ZFHX3: variants seen among roughly 807,000 people sequenced by gnomAD.
ZFHX3 encodes the protein zinc finger homeobox protein 3.
A neutral mutation model predicts 279.1 loss-of-function variants in ZFHX3; 42 were observed. The observed-to-expected ratio is 0.15, with a 90% CI of 0.12 to 0.19. ZFHX3 has a LOEUF of 0.19. Among genes scored for constraint, ZFHX3 ranks in the 10% least tolerant of loss-of-function variants. The pLI, the probability that ZFHX3 is intolerant of heterozygous loss-of-function variation, is 1.00. For missense variants in ZFHX3, 4,981 were observed against 4,754.0 expected, an observed-to-expected ratio of 1.05 and a Z score of -1.40; for synonymous variants, 2,293 against 1,957.8, an observed-to-expected ratio of 1.17 and a Z score of -4.52.
chr16:73,676,768 C>T (rs1051763524), intron 2 of ZFHX3, among the ~76,000 whole-genome samples: 3 of 151,136 alleles, frequency 2.0e-5, no homozygotes, highest in Non-Finnish European at 3.0e-5. Context: ...AGTAAAAAGA[C>T]GAGTGAACAT....
intron 2 of ZFHX3, among the ~76,000 whole-genome samples, chr16:73,498,174 C>A (rs949994630): frequency 2.6e-5 from 4 of 152,092 alleles, no homozygotes; most frequent in Admixed American, 2.6e-4. Flanking sequence ...AATGGTGACT[C>A]CCCCCATCAA....
upstream of ZFHX3, among the ~76,000 whole-genome samples, chr16:73,052,388 T>G (rs1400593049): frequency 6.6e-6 from 1 of 152,046 alleles, no homozygotes; most frequent in East Asian, 1.9e-4. Flanking sequence ...TCTCCCCTAT[T>G]AAGCTTCTAA....
At chr16:73,290,615 G>A (rs2014745354) in intron 4 of ZFHX3, among the ~76,000 whole-genome samples, 1 of 152,246 alleles carries the variant, frequency 6.6e-6, no homozygotes, top group Admixed American at 6.5e-5. Flanking sequence ...TGTGGGCTCA[G>A]AGTGTGGGAC....
intron 1 of ZFHX3, among the ~76,000 whole-genome samples, chr16:73,001,633 C>G (rs1317802063): frequency 6.6e-6 from 1 of 151,908 alleles, no homozygotes; most frequent in South Asian, 2.1e-4. Context: ...GGCAAGATAG[C>G]AAGACTCTGT....
chr16:73,564,063 G>C (rs1045933079), intron 2 of ZFHX3, among the ~76,000 whole-genome samples: 3 of 152,200 alleles, frequency 2.0e-5, no homozygotes, highest in Admixed American at 6.5e-5. Flanking sequence ...CATAGGCCAA[G>C]CCTAACTATG....
chr16:73,658,165 C>G (rs765525561), intron 2 of ZFHX3, among the ~76,000 whole-genome samples: 9 of 152,064 alleles, frequency 5.9e-5, no homozygotes, highest in Non-Finnish European at 1.3e-4. Flanking sequence ...CTTGTGACCA[C>G]TATAATCAAA....
intron 1 of ZFHX3, among the ~76,000 whole-genome samples, chr16:73,766,063 T>A (rs1307184511): frequency 2.6e-5 from 4 of 152,170 alleles, no homozygotes; most frequent in African/African-American, 9.7e-5. Flanking sequence ...TTCACACAGA[T>A]GCATCATATG....
chr16:73,124,577 G>A (rs910540681), intron 7 of ZFHX3, among the ~76,000 whole-genome samples: 2 of 152,146 alleles, frequency 1.3e-5, no homozygotes, highest in East Asian at 1.9e-4. Flanking sequence ...TGATAGCAAC[G>A]GTAACAGTGA....
At chr16:73,764,328 A>G (rs149587908) in intron 1 of ZFHX3, among the ~76,000 whole-genome samples, 1 of 152,122 alleles carries the variant, frequency 6.6e-6, no homozygotes, top group South Asian at 2.1e-4. Context: ...CTGGCTCCCT[A>G]TGAGAAATCT....
intron 3 of ZFHX3, among the ~76,000 whole-genome samples, chr16:73,425,932 C>T (rs1385169772): frequency 9.4e-6 from 1 of 106,562 alleles, no homozygotes; most frequent in Non-Finnish European, 2.5e-5. Flanking sequence ...AAGCCTACTT[C>T]CTTACCATTA....
chr16:73,415,896 G>C (rs1338653225), intron 3 of ZFHX3, among the ~76,000 whole-genome samples: 1 of 152,108 alleles, frequency 6.6e-6, no homozygotes, highest in Admixed American at 6.6e-5. Flanking sequence ...AAGGTTGGTG[G>C]ATCACCTGAG....
intron 4 of ZFHX3, among the ~76,000 whole-genome samples, chr16:72,886,652 C>G (rs191212861): frequency 1.3e-5 from 2 of 152,186 alleles, no homozygotes; most frequent in Admixed American, 1.3e-4. Context: ...GTATGCAGAG[C>G]TGGCCAAAAA....
chr16:72,788,664 TTGCTGCTGCTGCTGC>T lies in ZFHX3; in HGVS notation c.9597_9611del (p.Gln3200_Gln3204del). On this transcript the variant is annotated inframe_deletion, in exon 10 of 10. Coordinates refer to ENST00000268489, the MANE Select transcript of ZFHX3 (RefSeq NM_006885.4). Reference sequence around the variant, plus strand: ...GCGGGGGAGGCTGCTGCACCTGTGGTTGCTGCTGCTGCTGCTGCTGCTGGGGGGGTTGCTGAGGGC... The same window carrying T: ...GCGGGGGAGGCTGCTGCACCTGTGGTTGCTGCTGGGGGGGTTGCTGAGGGC... The T allele has an allele frequency of 6.8e-6, 11 of 1,611,688 alleles. No individual in the cohort carries two copies. The highest frequency in any genetic ancestry group is 9.3e-6 in the Non-Finnish European group (11 of 1,178,472).
At chr16:73,619,591 T>A (rs956101397) in intron 2 of ZFHX3, among the ~76,000 whole-genome samples, 12 of 152,020 alleles carry the variant, frequency 7.9e-5, no homozygotes, top group African/African-American at 2.9e-4. Context: ...GTTCTTTTAA[T>A]GTCTCATGAT....
intron 7 of ZFHX3, among the ~76,000 whole-genome samples, chr16:73,106,053 C>T (rs1045521755): frequency 1.8e-4 from 28 of 151,556 alleles, no homozygotes; most frequent in South Asian, 6.3e-4. Flanking sequence ...CAATGTTTCT[C>T]GGAAGCCCTC....
intron 4 of ZFHX3, among the ~76,000 whole-genome samples, chr16:73,310,980 C>G (rs2015310804): frequency 6.6e-6 from 1 of 152,200 alleles, no homozygotes; most frequent in Admixed American, 6.5e-5. Flanking sequence ...CGCCTGTAAT[C>G]CCAGCACCTT....
intron 5 of ZFHX3, among the ~76,000 whole-genome samples, chr16:73,155,809 G>C (rs1967066079): frequency 6.8e-6 from 1 of 147,498 alleles, no homozygotes; most frequent in South Asian, 2.2e-4. Context: ...GGCGACAAGA[G>C]AGAAACTCTG....
At chr16:73,170,321 C>A (rs941849844) in intron 5 of ZFHX3, among the ~76,000 whole-genome samples, 1 of 148,036 alleles carries the variant, frequency 6.8e-6, no homozygotes, top group Non-Finnish European at 1.5e-5. Flanking sequence ...ACCTCCACCT[C>A]CCGGGTTCAA....
At chr16:72,995,360 AT>A in intron 1 of ZFHX3, among the ~76,000 whole-genome samples, 1 of 152,332 alleles carries the variant, frequency 6.6e-6, no homozygotes, top group South Asian at 2.1e-4. Flanking sequence ...CAGGCACTCC[AT>A]TATGGCAACC....
Sources: gnomAD v4.1 joint callset for allele counts (sites outside exome capture counted in the v4.1 genomes callset) on GRCh38, gnomAD v4.1.1 for gene constraint, MANE v1.5 for transcripts, NCBI Gene and HGNC (gene_info 2026-07-23, HGNC 2026-07-21) for gene names.